CSMD3: variants seen among roughly 807,000 people sequenced by gnomAD.
The protein encoded by CSMD3 is CUB and Sushi multiple domains 3, also known as CUB and sushi domain-containing protein 3.
CSMD3 carries 177 observed loss-of-function variants against 435.2 expected under a neutral mutation model. That is an observed-to-expected ratio of 0.41 (90% CI 0.36 to 0.46). The LOEUF is 0.46. CSMD3 is among the 20% of genes least tolerant of loss of function. The probability of loss-of-function intolerance (pLI) is 0.34; values close to 1 mark genes in which losing one functional copy is unlikely to be tolerated. For synonymous variants in CSMD3, 1,656 were observed against 1,520.5 expected, an observed-to-expected ratio of 1.09 and a Z score of -2.07; for missense variants, 4,265 against 4,504.6, an observed-to-expected ratio of 0.95 and a Z score of 1.52.
chr8:112,762,553 G>A (rs2077867072), intron 13 of CSMD3, among the ~76,000 whole-genome samples: 1 of 151,868 alleles, frequency 6.6e-6, no homozygotes, highest in Non-Finnish European at 1.5e-5. Context: ...GAAAATAAGA[G>A]GTGGGCAGAT....
chr8:112,933,167 G>C (rs913386721), intron 9 of CSMD3, among the ~76,000 whole-genome samples: 1 of 151,932 alleles, frequency 6.6e-6, no homozygotes, highest in East Asian at 1.9e-4. Flanking sequence ...TCTAAGAATA[G>C]ATATGGTGCT....
intron 1 of CSMD3, among the ~76,000 whole-genome samples, chr8:113,349,431 C>T (rs2094174739): frequency 6.6e-6 from 1 of 152,036 alleles, no homozygotes; most frequent in Admixed American, 6.6e-5. Context: ...TGCATTTATA[C>T]AGACATCTAA....
chr8:112,884,340 T>C (rs2081529709), intron 10 of CSMD3, among the ~76,000 whole-genome samples: 1 of 151,790 alleles, frequency 6.6e-6, no homozygotes, highest in East Asian at 1.9e-4. Context: ...TACTTTTGCT[T>C]CTTCTATGAC....
At chr8:112,815,816 C>A (rs535727582) in intron 12 of CSMD3, among the ~76,000 whole-genome samples, 2 of 152,114 alleles carry the variant, frequency 1.3e-5, no homozygotes, top group South Asian at 4.2e-4. Context: ...TAATGATGAA[C>A]CACACAGAAT....
At chr8:112,984,949 AAC>A in intron 6 of CSMD3, among the ~76,000 whole-genome samples, 1 of 152,110 alleles carries the variant, frequency 6.6e-6, no homozygotes, top group East Asian at 1.9e-4. Flanking sequence ...CTATTTCACA[AAC>A]ACAAATTAAA....
intron 17 of CSMD3, among the ~76,000 whole-genome samples, chr8:112,661,630 A>G (rs1167237355): frequency 1.3e-5 from 2 of 152,180 alleles, no homozygotes; most frequent in Non-Finnish European, 2.9e-5. Context: ...GCTTTTCAAC[A>G]TAATAATGCA....
At chr8:112,958,037 A>G (rs2130850356) in intron 7 of CSMD3, among the ~76,000 whole-genome samples, 1 of 151,274 alleles carries the variant, frequency 6.6e-6, no homozygotes, top group South Asian at 2.1e-4. Flanking sequence ...GAGTGTATGA[A>G]TGAATATATA....
intron 6 of CSMD3, among the ~76,000 whole-genome samples, chr8:113,012,435 T>G: frequency 6.6e-6 from 1 of 151,978 alleles, no homozygotes; most frequent in East Asian, 1.9e-4. Context: ...AAATATCATC[T>G]TGAATTGTAA....
At chr8:112,590,077 T>C (rs1831051680) in intron 22 of CSMD3, among the ~76,000 whole-genome samples, 1 of 152,180 alleles carries the variant, frequency 6.6e-6, no homozygotes, top group Non-Finnish European at 1.5e-5. Context: ...TACTGTAAGA[T>C]ATTTGAAGTG....
intron 13 of CSMD3, among the ~76,000 whole-genome samples, chr8:112,706,392 G>A (rs2076499423): frequency 6.6e-6 from 1 of 151,964 alleles, no homozygotes; most frequent in South Asian, 2.1e-4. Context: ...AAAATGTATT[G>A]GGAATATGGA....
chr8:113,042,492 G>T (rs1564245846), intron 5 of CSMD3, among the ~76,000 whole-genome samples: 1 of 151,998 alleles, frequency 6.6e-6, no homozygotes, highest in South Asian at 2.1e-4. Context: ...GTATATTTTA[G>T]CATTATAATA....
At chr8:112,766,442 CT>C (rs2077981225) in intron 13 of CSMD3, among the ~76,000 whole-genome samples, 1 of 151,332 alleles carries the variant, frequency 6.6e-6, no homozygotes, top group African/African-American at 2.4e-5. Context: ...TTTCTAAGCA[CT>C]TGAATTTGTT....
At chr8:112,531,334 TA>T (rs1825515031) in intron 27 of CSMD3, among the ~76,000 whole-genome samples, 1 of 151,974 alleles carries the variant, frequency 6.6e-6, no homozygotes, top group Non-Finnish European at 1.5e-5. Flanking sequence ...ACCAGCTGCT[TA>T]AAGAGGCCTG....
chr8:112,733,538 C>G (rs879595618), intron 13 of CSMD3, among the ~76,000 whole-genome samples: 15 of 151,678 alleles, frequency 9.9e-5, no homozygotes, highest in Admixed American at 2.6e-4. Context: ...ATGGGTTAAG[C>G]AACTTTGATA....
intron 23 of CSMD3, among the ~76,000 whole-genome samples, chr8:112,577,432 T>G (rs922002017): frequency 3.9e-5 from 6 of 152,118 alleles, no homozygotes; most frequent in African/African-American, 1.2e-4. Flanking sequence ...GACTTTTATT[T>G]GAGACTCTTA....
intron 2 of CSMD3, among the ~76,000 whole-genome samples, chr8:113,288,841 A>C (rs1287415926): frequency 6.6e-6 from 1 of 151,884 alleles, no homozygotes; most frequent in East Asian, 1.9e-4. Context: ...TAGGGATAAG[A>C]TGAGGTAAAT....
rs2089672133 is a variant in CSMD3 at position 113,084,261 on chromosome 8, G to A, written c.917+14495C>T. Among the ~76,000 whole-genome samples, 4 of 151,952 alleles carry A rather than the reference G, an allele frequency of 2.6e-5. No individual in the cohort carries two copies. The South Asian group carries it at 8.3e-4, about 32-fold the overall frequency. ...GATAAAAAAATTAGTAAAGTTTCAG[G>A]ATACAAAAACCAACCTACAAAAATC... On this transcript the variant is annotated intron_variant, in intron 5 of 70. Transcript: ENST00000297405.
chr8:112,880,680 T>G (rs1166324342), intron 10 of CSMD3, among the ~76,000 whole-genome samples: 1 of 151,994 alleles, frequency 6.6e-6, no homozygotes. Context: ...TAAATGCCTA[T>G]TCAAGGGGGT....
chr8:112,509,105 G>A (rs1360237424), intron 28 of CSMD3, among the ~76,000 whole-genome samples: 54 of 117,738 alleles, frequency 4.6e-4, no homozygotes, highest in Non-Finnish European at 7.6e-4. Flanking sequence ...TTTTTTTTTC[G>A]ATACAGGGTC....
Sources: allele counts gnomAD v4.1 joint callset (sites outside exome capture counted in the v4.1 genomes callset), GRCh38; gene constraint gnomAD v4.1.1; transcripts MANE v1.5; gene names NCBI Gene and HGNC (gene_info 2026-07-23, HGNC 2026-07-21).